ACTR2: variants seen among roughly 807,000 people sequenced by gnomAD.
ACTR2 encodes actin related protein 2, also known as actin-related protein 2.
ACTR2 carries 5 observed loss-of-function variants against 50.2 expected under a neutral mutation model. The ratio of observed to expected loss-of-function variants is 0.10; its 90% CI spans 0.05 to 0.21. ACTR2 has a LOEUF of 0.21. Ranked by LOEUF, ACTR2 falls within the 10% of genes least tolerant of loss-of-function variation. The pLI is 1.00. For synonymous variants in ACTR2, 140 were observed against 162.9 expected, an observed-to-expected ratio of 0.86 and a Z score of 1.07; for missense variants, 180 against 480.6, an observed-to-expected ratio of 0.37 and a Z score of 5.85.
chr2:65,248,865 T>G (rs1671990978), intron 3 of ACTR2, among the ~76,000 whole-genome samples: 1 of 151,920 alleles, frequency 6.6e-6, no homozygotes, highest in Non-Finnish European at 1.5e-5. Flanking sequence ...AACACAAAAT[T>G]AGCTGGGCAT....
intron 1 of ACTR2, among the ~76,000 whole-genome samples, chr2:65,238,580 A>G (rs2103987909): frequency 6.7e-6 from 1 of 149,230 alleles, no homozygotes; most frequent in Non-Finnish European, 1.5e-5. Context: ...AATGGCGTGA[A>G]CCCGGGAGGT....
intron 6 of ACTR2, among the ~76,000 whole-genome samples, chr2:65,257,935 C>T (rs1672182748): frequency 1.3e-5 from 2 of 152,164 alleles, no homozygotes; most frequent in South Asian, 4.1e-4. Context: ...ATGCAAGAAG[C>T]TCTTTAGTTT....
intron 1 of ACTR2, among the ~76,000 whole-genome samples, chr2:65,233,099 A>G (rs922169844): frequency 3.3e-5 from 5 of 151,794 alleles, no homozygotes; most frequent in South Asian, 2.1e-4. Flanking sequence ...GGTTCAAGCA[A>G]TTCTCCTGCC....
In ACTR2 at chr2:65,269,421, T is replaced by C. The variant is rs1276221948; in HGVS notation, c.*687T>C. ...TACTTTGATTTGGCAGGTTTTCTTC[T>C]ACTTGTGCTCTGCCTGGAGCTGTTT... is the stretch of plus-strand genomic sequence containing the variant. On this transcript the variant is annotated 3_prime_UTR_variant, in exon 9 of 9. Coordinates refer to ENST00000260641, the MANE Select transcript of ACTR2 (RefSeq NM_005722.4). 1 of 152,186 alleles carries C rather than the reference T, an allele frequency of 6.6e-6. No individual in the cohort carries two copies. Among genetic ancestry groups the C allele is most frequent in the East Asian group, 1.9e-4 (1 of 5,202 alleles). The allele number at this position is 152,186 out of a possible 1,614,324, so 9.4% of individuals were successfully genotyped here.
chr2:65,233,681 G>T (rs918049294), intron 1 of ACTR2, among the ~76,000 whole-genome samples: 1 of 150,892 alleles, frequency 6.6e-6, no homozygotes, highest in Admixed American at 6.6e-5. Flanking sequence ...ATGTTATCTC[G>T]GCTCACTGCA....
intron 4 of ACTR2, 48 bp from the exon 5 acceptor site, chr2:65,253,680 G>A (rs1485724716): frequency 6.3e-7 from 1 of 1,592,242 alleles, no homozygotes; most frequent in East Asian, 2.2e-5. Flanking sequence ...GCTGGCTTTG[G>A]TTTTCCTGAT....
At chr2:65,260,729 C>CT (rs34258160) in intron 6 of ACTR2, among the ~76,000 whole-genome samples, 19,159 of 132,096 alleles carry the variant, frequency 0.15, 1,791 homozygotes, top group Non-Finnish European at 0.2. Context: ...CGTGGCATAC[C>CT]TTTTTTTTTT....
intron 7 of ACTR2, among the ~76,000 whole-genome samples, chr2:65,262,864 G>T (rs1425531209): frequency 6.6e-6 from 1 of 151,872 alleles, no homozygotes; most frequent in Non-Finnish European, 1.5e-5. Flanking sequence ...TACTCAGAAG[G>T]CTGAAGTGGG....
intron 8 of ACTR2, among the ~76,000 whole-genome samples, chr2:65,267,000 A>C (rs1377907938): frequency 6.6e-6 from 1 of 152,180 alleles, no homozygotes; most frequent in East Asian, 1.9e-4. Flanking sequence ...AGCGAGATAG[A>C]AGCAGCAATG....
chr2:65,229,033 T>C (rs540214338), intron 1 of ACTR2, among the ~76,000 whole-genome samples: 15 of 152,052 alleles, frequency 9.9e-5, no homozygotes, highest in South Asian at 4.2e-4. Context: ...TGAGCCGAGA[T>C]TGCGCCACTG....
At position 65,269,548 on chromosome 2, in the gene ACTR2, C is replaced by T. The variant is rs927132960; in HGVS notation, c.*814C>T. On this transcript the variant is annotated 3_prime_UTR_variant, in exon 9 of 9. Transcript: ENST00000260641. ...ATGTTAGCTGGGATTAGACTCCCTA[C>T]AGTCCTTCAATGGAAAAGTAACATT... 2 of 152,152 alleles carry T rather than the reference C, an allele frequency of 1.3e-5. No individual in the cohort carries two copies. The highest frequency in any genetic ancestry group is 4.8e-5 in the African/African-American group (2 of 41,446). 9.4% of individuals were successfully genotyped at this position (152,152 alleles called of 1,614,324 possible). A position where few individuals can be genotyped will look rare whatever the true frequency, so the allele number is the denominator to read the frequency against.
intron 4 of ACTR2, among the ~76,000 whole-genome samples, chr2:65,253,263 A>G (rs898904127): frequency 6.6e-6 from 1 of 152,056 alleles, no homozygotes; most frequent in Non-Finnish European, 1.5e-5. Context: ...AACATGGCGA[A>G]ACTCTGTCTC....
chr2:65,250,921 T>G, intron 3 of ACTR2, 106 bp from the exon 4 acceptor site: 1 of 628,228 alleles, frequency 1.6e-6, no homozygotes, highest in South Asian at 3.0e-5. Context: ...CAGGTCCATT[T>G]GATTCTATTT....
In ACTR2 at chr2:65,261,322, A is replaced by G; in HGVS notation, c.811A>G (p.Ile271Val). The change falls in exon 7 of 9, where the codon ATC becomes GTC. Residue 271 changes from isoleucine (I) to valine (V), a missense_variant. Ile to Val is a conservative substitution (Grantham distance 29). Transcript: ENST00000260641. Reference sequence around the variant, plus strand: ...AGAAGCTTTATTTCAGCCTCACTTGATCAATGTTGAAGGAGTTGGTGTTGC... The same window carrying G: ...AGAAGCTTTATTTCAGCCTCACTTGGTCAATGTTGAAGGAGTTGGTGTTGC... The part of the protein sequence containing the change: ...APEALFQPHL[I>V]NVEGVGVAEL... The G allele has an allele frequency of 6.2e-7, 1 of 1,614,104 alleles. No homozygotes were observed. Among genetic ancestry groups the G allele is most frequent in the Non-Finnish European group, 8.5e-7 (1 of 1,179,998 alleles).
intron 8 of ACTR2, among the ~76,000 whole-genome samples, chr2:65,268,332 C>T (rs776637304): frequency 6.6e-6 from 1 of 152,084 alleles, no homozygotes; most frequent in Non-Finnish European, 1.5e-5. Context: ...TGGGACACCA[C>T]GTGTAAATCA....
At chr2:65,233,417 G>A (rs1182116982) in intron 1 of ACTR2, among the ~76,000 whole-genome samples, 1 of 151,826 alleles carries the variant, frequency 6.6e-6, no homozygotes, top group Non-Finnish European at 1.5e-5. Flanking sequence ...CACTTTGGGA[G>A]GTAAAGGTGG....
At chr2:65,246,221 T>G (rs762488595) in intron 2 of ACTR2, 11 of 201,610 alleles carry the variant, frequency 5.5e-5, no homozygotes, top group Non-Finnish European at 9.9e-5. Context: ...AAGAAACAGA[T>G]GAAACCTCAT....
At chr2:65,262,694 C>A (rs978450881) in intron 7 of ACTR2, among the ~76,000 whole-genome samples, 1 of 152,164 alleles carries the variant, frequency 6.6e-6, no homozygotes, top group African/African-American at 2.4e-5. Flanking sequence ...GTGGTGGCTT[C>A]TGGCTGTAAT....
chr2:65,242,757 G>A (rs1671865005), intron 2 of ACTR2: 1 of 376,952 alleles, frequency 2.7e-6, no homozygotes, highest in Non-Finnish European at 5.3e-6. Context: ...ACTCTTCATT[G>A]TATTTTTCTG....
Sources: gnomAD v4.1 joint callset for allele counts (sites outside exome capture counted in the v4.1 genomes callset) on GRCh38, gnomAD v4.1.1 for gene constraint, MANE v1.5 for transcripts, NCBI Gene and HGNC (gene_info 2026-07-23, HGNC 2026-07-21) for gene names.